Variants in AHCYL2 observed in about 807,000 individuals in gnomAD.
AHCYL2 encodes adenosylhomocysteinase like 2, also known as S-adenosylhomocysteine hydrolase-like protein 2.
AHCYL2 carries 28 observed loss-of-function variants against 81.4 expected under a neutral mutation model. The ratio of observed to expected loss-of-function variants is 0.34; its 90% CI spans 0.25 to 0.47. The LOEUF is 0.47. AHCYL2 is among the 20% of genes least tolerant of loss of function. AHCYL2 has a pLI of 1.00. For missense variants in AHCYL2, 551 were observed against 785.1 expected (o/e 0.70, Z 3.56); for synonymous variants, 272 against 290.2 (o/e 0.94, Z 0.64).
intron 1 of AHCYL2, among the ~76,000 whole-genome samples, chr7:129,225,792 A>G (rs1342630084): frequency 6.6e-6 from 1 of 152,214 alleles, no homozygotes; most frequent in African/African-American, 2.4e-5. Context: ...CCTCGATAGT[A>G]TAGAAAAACC....
intron 1 of AHCYL2, among the ~76,000 whole-genome samples, chr7:129,251,317 ATTTTTTTT>A (rs3042851): frequency 9.2e-5 from 11 of 119,486 alleles, no homozygotes; most frequent in South Asian, 3.0e-4. Context: ...GATAGTAAAG[ATTTTTTTT>A]TTTTTTTTTT....
At chr7:129,364,581 G>C (rs62480631) in intron 1 of AHCYL2, among the ~76,000 whole-genome samples, 34,693 of 152,102 alleles carry the variant, frequency 0.23, 4,948 homozygotes, top group Non-Finnish European at 0.31. Context: ...GTGAGCCACT[G>C]CGCCCAGCTT....
chr7:129,233,217 C>G (rs1364737481), intron 1 of AHCYL2, among the ~76,000 whole-genome samples: 2 of 152,142 alleles, frequency 1.3e-5, no homozygotes, highest in African/African-American at 4.8e-5. Context: ...CAAGGTCTCC[C>G]TCTCTCACCC....
chr7:129,314,477 T>C (rs1797766350), intron 1 of AHCYL2, among the ~76,000 whole-genome samples: 1 of 152,212 alleles, frequency 6.6e-6, no homozygotes, highest in African/African-American at 2.4e-5. Flanking sequence ...TTCTCATAGT[T>C]CTGGAGACCA....
At chr7:129,371,961 A>G (rs1794431263) in intron 1 of AHCYL2, among the ~76,000 whole-genome samples, 1 of 152,228 alleles carries the variant, frequency 6.6e-6, no homozygotes, top group African/African-American at 2.4e-5. Context: ...AAAGTGTCTG[A>G]TAAATGGTGG....
At chr7:129,421,294 A>G (rs1797108267) in intron 12 of AHCYL2, among the ~76,000 whole-genome samples, 1 of 151,970 alleles carries the variant, frequency 6.6e-6, no homozygotes, top group South Asian at 2.1e-4. Context: ...ACGTTAACAC[A>G]TATATGTCTG....
At chr7:129,378,145 C>G (rs1388248207) in intron 1 of AHCYL2, among the ~76,000 whole-genome samples, 1 of 152,068 alleles carries the variant, frequency 6.6e-6, no homozygotes, top group Non-Finnish European at 1.5e-5. Context: ...AACCCCGTCT[C>G]TACTAAAAAT....
intron 1 of AHCYL2, among the ~76,000 whole-genome samples, chr7:129,376,553 A>G (rs1222631650): frequency 6.6e-6 from 1 of 152,230 alleles, no homozygotes; most frequent in African/African-American, 2.4e-5. Context: ...AGAAAACACT[A>G]TAGAGAAGAC....
intron 1 of AHCYL2, among the ~76,000 whole-genome samples, chr7:129,307,793 T>C (rs1797496725): frequency 6.6e-6 from 1 of 151,774 alleles, no homozygotes; most frequent in Admixed American, 6.6e-5. Context: ...TGCTGATTAT[T>C]TAGAGCCCAA....
intron 1 of AHCYL2, among the ~76,000 whole-genome samples, chr7:129,253,418 T>G (rs1795307456): frequency 6.6e-6 from 1 of 152,198 alleles, no homozygotes; most frequent in Admixed American, 6.5e-5. Context: ...TAAGCAATTG[T>G]AGTTTACTAA....
At chr7:129,387,718 C>G (rs1479481258) in intron 2 of AHCYL2, among the ~76,000 whole-genome samples, 1 of 152,104 alleles carries the variant, frequency 6.6e-6, no homozygotes, top group Admixed American at 6.5e-5. Context: ...GTTCTGTTGC[C>G]AAAAGTACTT....
At chr7:129,271,489 A>G (rs1004464924) in intron 1 of AHCYL2, among the ~76,000 whole-genome samples, 7 of 152,158 alleles carry the variant, frequency 4.6e-5, no homozygotes, top group Non-Finnish European at 8.8e-5. Context: ...ACAGAATACT[A>G]TTAAGCAATG....
chr7:129,424,476 G>A (rs1373923366), intron 13 of AHCYL2, among the ~76,000 whole-genome samples: 1 of 152,122 alleles, frequency 6.6e-6, no homozygotes, highest in African/African-American at 2.4e-5. Flanking sequence ...ACAACCTGGA[G>A]AGATTGTCCC....
intron 1 of AHCYL2, among the ~76,000 whole-genome samples, chr7:129,226,505 T>C (rs1448921868): frequency 6.6e-6 from 1 of 152,120 alleles, no homozygotes; most frequent in Non-Finnish European, 1.5e-5. Flanking sequence ...TAAATTGTTG[T>C]GAATGGTTTT....
chr7:129,274,661 C>T (rs1796135339), intron 1 of AHCYL2, among the ~76,000 whole-genome samples: 1 of 152,136 alleles, frequency 6.6e-6, no homozygotes, highest in African/African-American at 2.4e-5. Flanking sequence ...TCTGCCTGTG[C>T]CCGTTGGAAT....
chr7:129,262,139 T>C (rs1385715651), intron 1 of AHCYL2, among the ~76,000 whole-genome samples: 2 of 152,222 alleles, frequency 1.3e-5, no homozygotes, highest in South Asian at 2.1e-4. Flanking sequence ...AAATAAGATA[T>C]GGTCTCTGTT....
intron 1 of AHCYL2, among the ~76,000 whole-genome samples, chr7:129,340,516 C>T (rs1280056115): frequency 2.0e-5 from 3 of 149,040 alleles, no homozygotes; most frequent in Non-Finnish European, 4.4e-5. Flanking sequence ...TGCAGTGAGC[C>T]GAGATCGCGC....
At chr7:129,290,328 C>T (rs1420975706) in intron 1 of AHCYL2, among the ~76,000 whole-genome samples, 2 of 151,582 alleles carry the variant, frequency 1.3e-5, no homozygotes, top group Admixed American at 6.6e-5. Flanking sequence ...TGGTGAAACC[C>T]TGTCTCTACT....
chr7:129,354,575 C>G (rs543305664), intron 1 of AHCYL2, among the ~76,000 whole-genome samples: 3 of 152,306 alleles, frequency 2.0e-5, no homozygotes, highest in South Asian at 2.1e-4. Flanking sequence ...TAATGGTAGT[C>G]TGCCTATGTA....
Sources: gnomAD v4.1 joint callset for allele counts (sites outside exome capture counted in the v4.1 genomes callset) on GRCh38, gnomAD v4.1.1 for gene constraint, MANE v1.5 for transcripts, NCBI Gene and HGNC (gene_info 2026-07-23, HGNC 2026-07-21) for gene names.